PAM: variants seen among roughly 807,000 people sequenced by gnomAD.
The protein encoded by PAM is peptidylglycine alpha-amidating monooxygenase.
In PAM, 72 loss-of-function variants were observed where a neutral mutation model predicts 122.1. The observed-to-expected ratio is 0.59, with a 90% confidence interval of 0.49 to 0.72. The LOEUF (loss-of-function observed/expected upper bound fraction) is 0.72. PAM is among the 30% of genes least tolerant of loss of function. The pLI, the probability that PAM is intolerant of heterozygous loss-of-function variation, is 0.00. For missense variants in PAM, 1,106 were observed against 1,183.7 expected (o/e 0.93, Z 0.96); for synonymous variants, 389 against 404.4 (o/e 0.96, Z 0.46).
At chr5:102,860,913 G>C (rs1303488617) in intron 1 of PAM, among the ~76,000 whole-genome samples, 3 of 152,072 alleles carry the variant, frequency 2.0e-5, no homozygotes, top group African/African-American at 7.2e-5. Flanking sequence ...TTCATGCCCT[G>C]GGTGGTCTTC....
rs559404140 is a variant in PAM at position 102,863,001 on chromosome 5, TA to T, written c.-373-2813del. The stretch of plus-strand genomic sequence containing the variant: ...AAATGCCAGCTATCTTTTTTTTTTT[TA>T]AAAAAAAATGAAAATTAGAGGGAAT... On this transcript the variant is annotated intron_variant, in intron 1 of 25. Transcript: ENST00000438793. Among the ~76,000 whole-genome samples the T allele has an allele frequency of 4.1e-5, 6 of 146,354 alleles. No homozygotes were observed. In the South Asian group the frequency reaches 6.3e-4, roughly 15 times the overall value.
intron 1 of PAM, among the ~76,000 whole-genome samples, chr5:102,806,497 G>T (rs1766261782): frequency 6.6e-6 from 1 of 152,206 alleles, no homozygotes; most frequent in African/African-American, 2.4e-5. Flanking sequence ...TGTCCTGGGT[G>T]TGTATCTTCT....
upstream of PAM, chr5:102,754,893 T>A (rs1749668116): frequency 1.3e-5 from 2 of 152,242 alleles, no homozygotes; most frequent in South Asian, 4.1e-4. Context: ...TTCACTCCCT[T>A]CCCCGGGGCA....
intron 5 of PAM, among the ~76,000 whole-genome samples, chr5:102,923,954 A>G (rs1391890284): frequency 6.6e-6 from 1 of 152,208 alleles, no homozygotes; most frequent in African/African-American, 2.4e-5. Flanking sequence ...ATAAAGTCTC[A>G]TTTGATTTAC....
intron 1 of PAM, among the ~76,000 whole-genome samples, chr5:102,830,419 T>G (rs1295695187): frequency 6.6e-6 from 1 of 152,214 alleles, no homozygotes; most frequent in Non-Finnish European, 1.5e-5. Flanking sequence ...ATCTCACCAC[T>G]GAAATGTATT....
chr5:102,937,421 C>T (rs901549622), intron 7 of PAM, among the ~76,000 whole-genome samples: 2 of 152,120 alleles, frequency 1.3e-5, no homozygotes, highest in African/African-American at 2.4e-5. Context: ...CTGCACGAAA[C>T]GCCATGGCCT....
At chr5:102,859,196 T>A (rs901535591) in intron 1 of PAM, among the ~76,000 whole-genome samples, 1 of 152,200 alleles carries the variant, frequency 6.6e-6, no homozygotes, top group Non-Finnish European at 1.5e-5. Context: ...GGCAGGTTTT[T>A]CAGGAGGCAT....
chr5:102,783,638 A>T (rs1393158897), intron 1 of PAM, among the ~76,000 whole-genome samples: 2 of 152,214 alleles, frequency 1.3e-5, no homozygotes, highest in Non-Finnish European at 2.9e-5. Flanking sequence ...AAGACCAAAG[A>T]TCTAGAAATT....
intron 1 of PAM, among the ~76,000 whole-genome samples, chr5:102,839,479 G>C (rs1384340449): frequency 6.7e-6 from 1 of 150,040 alleles, no homozygotes; most frequent in Non-Finnish European, 1.5e-5. Context: ...GGAGGTTGCA[G>C]TGAGCCAAGA....
intron 3 of PAM, among the ~76,000 whole-genome samples, chr5:102,900,254 T>TGGGGGGGGGGGG (rs140960589): frequency 3.7e-5 from 1 of 26,978 alleles, no homozygotes; most frequent in African/African-American, 1.7e-4. Flanking sequence ...TGTGTGTGTG[T>TGGGGGGGGGGGG]GGGGGGGGGG....
rs537329305 is a variant in PAM at position 102,758,685 on chromosome 5, C to T, written c.-374+3337C>T. Among the ~76,000 whole-genome samples the T allele has an allele frequency of 3.9e-5, 6 of 152,266 alleles. No individual in the cohort carries two copies. The East Asian group carries it at 1.2e-3, about 29-fold the overall frequency. On this transcript the variant is annotated intron_variant, in intron 1 of 25. Transcript: ENST00000438793. The stretch of plus-strand genomic sequence containing the variant: ...ATTTTATCTGGGGTTGAATGTTTAC[C>T]TCTCCAAAATGGGAATAATGAAATA...
chr5:102,897,850 G>T (rs73175432), intron 3 of PAM, among the ~76,000 whole-genome samples: 2,188 of 151,614 alleles, frequency 0.014, 48 homozygotes, highest in African/African-American at 0.051. Flanking sequence ...AAAAATTACT[G>T]GTTTTATGTG....
intron 1 of PAM, among the ~76,000 whole-genome samples, chr5:102,825,221 G>T (rs1321716274): frequency 6.6e-6 from 1 of 152,060 alleles, no homozygotes; most frequent in Non-Finnish European, 1.5e-5. Flanking sequence ...TTTTCTTTCA[G>T]AGCTTCAAAG....
intron 1 of PAM, among the ~76,000 whole-genome samples, chr5:102,853,480 A>C (rs1270697731): frequency 1.3e-5 from 2 of 152,206 alleles, no homozygotes; most frequent in East Asian, 3.8e-4. Flanking sequence ...ATAGGTTCAG[A>C]ATGAACAGTG....
At chr5:103,004,343 A>G (rs1778295005) in intron 17 of PAM, among the ~76,000 whole-genome samples, 1 of 152,170 alleles carries the variant, frequency 6.6e-6, no homozygotes, top group Non-Finnish European at 1.5e-5. Flanking sequence ...TTTGAAAGCA[A>G]ATCATAATCC....
At chr5:102,945,657 C>A (rs763653761) in intron 7 of PAM, among the ~76,000 whole-genome samples, 1 of 151,938 alleles carries the variant, frequency 6.6e-6, no homozygotes, top group African/African-American at 2.4e-5. Flanking sequence ...CTTCTCCCCC[C>A]CTCTCTCCTT....
chr5:103,006,929 C>T lies in PAM; in HGVS notation c.1932C>T (p.Ala644=). The part of the protein sequence containing the change: ...TDVAVDPGTG[A]IYVSDGYCNS... ...TGGCTGTGGATCCAGGCACTGGAGC[C>T]ATTTATGTATCAGATGGTTACTGCA... The change falls in exon 19 of 26, where the codon GCC becomes GCT. Residue 644 remains alanine (A), a synonymous_variant. Coordinates refer to ENST00000438793, the MANE Select transcript of PAM (RefSeq NM_001177306.2). 6.2e-7 allele frequency: 1 copy of T among 1,613,982 alleles called. No individual in the cohort carries two copies. Among genetic ancestry groups the T allele is most frequent in the East Asian group, 2.2e-5 (1 of 44,886 alleles).
At chr5:102,898,823 T>C (rs1372728395) in intron 3 of PAM, among the ~76,000 whole-genome samples, 1 of 151,722 alleles carries the variant, frequency 6.6e-6, no homozygotes, top group Admixed American at 6.6e-5. Flanking sequence ...CTTTCCATAG[T>C]AGAAGAGAAG....
rs1321604021 is a variant in PAM, at chr5:102,963,012, T to TA, written c.1162+1789dup. Among the ~76,000 whole-genome samples the TA allele has an allele frequency of 2.0e-5, 3 of 151,512 alleles. No individual in the cohort carries two copies. In the East Asian group the frequency reaches 5.8e-4, roughly 29 times the overall value. ...TAACTAAAGGTATTTAACTTGAGAATAAAAAAGCATTCTGATATTATCAAT... is the reference window on the plus strand; with the variant it reads ...TAACTAAAGGTATTTAACTTGAGAATAAAAAAAGCATTCTGATATTATCAAT... On this transcript the variant is annotated intron_variant, in intron 14 of 25. Coordinates refer to ENST00000438793, the MANE Select transcript of PAM (RefSeq NM_001177306.2).
Sources: allele counts gnomAD v4.1 joint callset (sites outside exome capture counted in the v4.1 genomes callset), GRCh38; gene constraint gnomAD v4.1.1; transcripts MANE v1.5; gene names NCBI Gene and HGNC (gene_info 2026-07-23, HGNC 2026-07-21).